The following RCBTB1 variants were observed in gnomAD, a reference collection of about 807,000 sequenced individuals.
The protein encoded by RCBTB1 is RCC1 and BTB domain-containing protein 1.
In RCBTB1, 46 loss-of-function variants were observed where a neutral mutation model predicts 62.4. The observed-to-expected ratio is 0.74, with a 90% CI of 0.58 to 0.94. RCBTB1 has a LOEUF of 0.94. Among genes scored for constraint, RCBTB1 ranks in the 40% least tolerant of loss-of-function variants. RCBTB1 has a pLI of 0.00. For synonymous variants in RCBTB1, 222 were observed against 245.8 expected (o/e 0.90, Z 0.91); for missense variants, 565 against 654.9 (o/e 0.86, Z 1.50).
chr13:49,546,407 T>C (rs1960791428), intron 9 of RCBTB1: 1 of 959,740 alleles, frequency 1.0e-6, no homozygotes, highest in African/African-American at 1.8e-5. Context: ...ACCTTTTTGG[T>C]ACCAGGGACC....
chr13:49,534,356 C>T, intron 12 of RCBTB1, 94 bp from the exon 13 acceptor site: 4 of 1,284,316 alleles, frequency 3.1e-6, no homozygotes, highest in African/African-American at 1.5e-5. Context: ...AAATCTCTCA[C>T]CCTCCCCCAG....
rs761053001 is a variant in RCBTB1, at chr13:49,566,619, T to G, written c.276A>C (p.Glu92Asp). 4.3e-6 allele frequency: 7 copies of G among 1,611,702 alleles called. No homozygotes were observed. In the South Asian group the frequency reaches 7.7e-5, roughly 18 times the overall value. The stretch of plus-strand genomic sequence containing the variant: ...AAGTTAGATGGGTTCCCTCCTTACC[T>G]TCGGTGCTGAGAAGAACATGTGGTC... ...GSGPHVLLST[E>D]DGVVYAWGHN... The change falls in exon 4 of 13, where the codon GAA (glutamate) becomes GAC (aspartate). Residue 92 changes from glutamate to aspartate, a missense_variant and splice_region_variant. Glu to Asp is a conservative substitution (Grantham distance 45, BLOSUM62 2). Coordinates refer to ENST00000378302, the MANE Select transcript of RCBTB1 (RefSeq NM_018191.4).
At chr13:49,568,693 G>A (rs1290914613) in intron 2 of RCBTB1, among the ~76,000 whole-genome samples, 1 of 152,070 alleles carries the variant, frequency 6.6e-6, no homozygotes, top group Non-Finnish European at 1.5e-5. Flanking sequence ...CACTTTGGGA[G>A]GCCAAGGTGG....
chr13:49,566,271 AAAATAAAT>A (rs373186397), intron 4 of RCBTB1, among the ~76,000 whole-genome samples: 4,285 of 94,856 alleles, frequency 0.045, 96 homozygotes, highest in African/African-American at 0.14. Context: ...AAAATAAAAT[AAAATAAAT>A]AAATAAATAA....
Position 49,565,663 on chromosome 13 carries a change from G to A in RCBTB1, c.277+955C>T, listed in dbSNP as rs1279230981. Among the ~76,000 whole-genome samples, 16 of 89,296 alleles carry A rather than the reference G, an allele frequency of 1.8e-4. 1 individual carries two copies. The highest frequency in any genetic ancestry group is 4.9e-4 in the South Asian group (1 of 2,024). 58.6% of individuals were successfully genotyped at this position (89,296 alleles called of 152,430 possible). On this transcript the variant is annotated intron_variant, in intron 4 of 12. Transcript: ENST00000378302. Reference sequence around the variant, plus strand: ...TGGGAGGTGAGGAGCGTCTCTGCCCGGCCGCCCCGTCTGAGAAGTGAGGAG... The same window carrying A: ...TGGGAGGTGAGGAGCGTCTCTGCCCAGCCGCCCCGTCTGAGAAGTGAGGAG...
rs549479259 is a variant in RCBTB1, at chr13:49,558,555, AT to A, written c.444+1362del. On this transcript the variant is annotated intron_variant, in intron 5 of 12. Transcript: ENST00000378302. ...AAAAATACAAAAAAATTAGCCAGGC[AT>A]GGTGGCAGGCGCCTGTAATCCCAGC... Among the ~76,000 whole-genome samples, 20 of 151,948 alleles carry A rather than the reference AT, an allele frequency of 1.3e-4. 1 individual carries two copies. In the South Asian group the frequency reaches 4.0e-3, roughly 30 times the overall value.
intron 6 of RCBTB1, among the ~76,000 whole-genome samples, chr13:49,554,637 A>G (rs1297561712): frequency 6.6e-6 from 1 of 152,126 alleles, no homozygotes; most frequent in African/African-American, 2.4e-5. Flanking sequence ...TGTCAGATCA[A>G]TGGCAGCATA....
At chr13:49,547,043 C>A in intron 9 of RCBTB1, 1 of 1,208,218 alleles carries the variant, frequency 8.3e-7, no homozygotes, top group Non-Finnish European at 1.1e-6. Flanking sequence ...TATAACAAGT[C>A]CAGGTTAAGT....
intron 8 of RCBTB1, 28 bp from the exon 9 acceptor site, chr13:49,549,676 T>G: frequency 6.3e-7 from 1 of 1,584,754 alleles, no homozygotes; most frequent in East Asian, 2.3e-5. Context: ...AAATGCATGT[T>G]ACTTCATGAT....
intron 2 of RCBTB1, among the ~76,000 whole-genome samples, chr13:49,579,206 G>A (rs942774685): frequency 7.9e-5 from 12 of 152,096 alleles, no homozygotes; most frequent in African/African-American, 2.7e-4. Flanking sequence ...CCCACTCTAT[G>A]GTATAAGGGC....
intron 4 of RCBTB1, 47 bp downstream of exon 4, chr13:49,566,571 C>T (rs756310504): frequency 1.5e-5 from 23 of 1,574,154 alleles, no homozygotes; most frequent in South Asian, 4.6e-5. Flanking sequence ...TAGAATTAAC[C>T]GGTCAATTTC....
rs375894962 is a variant in RCBTB1 at position 49,559,867 on chromosome 13, T to A, written c.444+51A>T. 7.8e-4 allele frequency: 1,210 copies of A among 1,544,598 alleles called. 15 individuals are homozygous for A. In the South Asian group the frequency reaches 0.014, roughly 18 times the overall value. ...GCTGGTAAATTTTATGTTAAGTGTA[T>A]TTACTATGATGAAAAAAAAAAAGAA... On this transcript the variant is annotated intron_variant, in intron 5 of 12. Coordinates refer to ENST00000378302, the MANE Select transcript of RCBTB1 (RefSeq NM_018191.4).
chr13:49,555,279 A>G (rs553294227), intron 6 of RCBTB1, among the ~76,000 whole-genome samples: 1 of 152,350 alleles, frequency 6.6e-6, no homozygotes, highest in Admixed American at 6.5e-5. Context: ...GGATCTTGCA[A>G]AAAATACAAC....
At chr13:49,576,046 G>A (rs1272765423) in intron 2 of RCBTB1, among the ~76,000 whole-genome samples, 1 of 151,944 alleles carries the variant, frequency 6.6e-6, no homozygotes, top group African/African-American at 2.4e-5. Flanking sequence ...AATTAGCCGG[G>A]TGTGGTGGCG....
chr13:49,544,967 G>T, intron 9 of RCBTB1, 104 bp from the exon 10 acceptor site: 47 of 802,568 alleles, frequency 5.9e-5, no homozygotes, highest in Non-Finnish European at 7.1e-5. Context: ...AATTCCACTT[G>T]TTTTTTTTTC....
chr13:49,552,129 G>T, intron 7 of RCBTB1, 49 bp downstream of exon 7: 1 of 1,203,584 alleles, frequency 8.3e-7, no homozygotes, highest in Non-Finnish European at 1.2e-6. Context: ...CCAAGTTAGA[G>T]CAAGGAAGGT....
At position 49,584,041 on chromosome 13, in the gene RCBTB1, C is replaced by T. The variant is rs1212117681; in HGVS notation, c.-122+1403G>A. ...CACTTTCCTTCACAGTTTCATCTAC[C>T]CCACAATGACTCCCAGGAAAAGGAG... On this transcript the variant is annotated intron_variant, in intron 1 of 12. Transcript: ENST00000378302. Among the ~76,000 whole-genome samples, 29 of 152,120 alleles carry T rather than the reference C, an allele frequency of 1.9e-4. 1 individual carries two copies. Among genetic ancestry groups the T allele is most frequent in the Admixed American group, 1.9e-3 (29 of 15,260 alleles).
chr13:49,577,938 G>A (rs1044902587), intron 2 of RCBTB1, among the ~76,000 whole-genome samples: 7 of 152,104 alleles, frequency 4.6e-5, no homozygotes, highest in Non-Finnish European at 8.8e-5. Flanking sequence ...CTCTATTTTT[G>A]TAAACTGAAT....
intron 8 of RCBTB1, chr13:49,549,936 G>GA: frequency 1.0e-6 from 1 of 983,576 alleles, no homozygotes; most frequent in Non-Finnish European, 1.2e-6. Flanking sequence ...AGCAAATGAG[G>GA]AAAGTGGACA....
Sources: allele counts gnomAD v4.1 joint callset (sites outside exome capture counted in the v4.1 genomes callset), GRCh38; gene constraint gnomAD v4.1.1; transcripts MANE v1.5; gene names NCBI Gene and HGNC (gene_info 2026-07-23, HGNC 2026-07-21).